Variants in ROBO2 observed in about 807,000 individuals in gnomAD.
ROBO2 encodes the protein roundabout homolog 2.
In ROBO2, 53 loss-of-function variants were observed where a neutral mutation model predicts 160.8. The ratio of observed to expected loss-of-function variants is 0.33; its 90% CI spans 0.26 to 0.41. The LOEUF (loss-of-function observed/expected upper bound fraction) is 0.41, where lower values mean the gene tolerates loss of function less well. ROBO2 is among the 10% of genes least tolerant of loss of function. ROBO2 has a pLI of 1.00. For synonymous variants in ROBO2, 664 were observed against 611.7 expected, an observed-to-expected ratio of 1.09 and a Z score of -1.26; for missense variants, 1,577 against 1,722.4, an observed-to-expected ratio of 0.92 and a Z score of 1.49.
chr3:76,505,859 A>G (rs1046296136), intron 2 of ROBO2, among the ~76,000 whole-genome samples: 1 of 152,216 alleles, frequency 6.6e-6, no homozygotes, highest in Non-Finnish European at 1.5e-5. Flanking sequence ...TGTCATCCAT[A>G]AAAGAAAGAG....
chr3:76,658,052 G>A (rs899839383), intron 2 of ROBO2, among the ~76,000 whole-genome samples: 7 of 141,386 alleles, frequency 5.0e-5, no homozygotes, highest in Non-Finnish European at 1.1e-4. Flanking sequence ...GGGTGACAGA[G>A]CGAGATCCTG....
At chr3:76,341,407 T>C (rs1287386148) in intron 2 of ROBO2, among the ~76,000 whole-genome samples, 2 of 149,080 alleles carry the variant, frequency 1.3e-5, no homozygotes, top group Non-Finnish European at 3.0e-5. Flanking sequence ...TGCTTTTCGC[T>C]TTTTTAAAGC....
Position 77,272,945 on chromosome 3 carries a change from A to C in ROBO2, c.388+174605A>C, listed in dbSNP as rs1413650204. ...GTTCAAACATTAGGTTTTCCTGATA[A>C]TCCACTTTTTAGATAATCTCAGTTT... On this transcript the variant is annotated intron_variant, in intron 2 of 25. Coordinates refer to ENST00000461745, the Ensembl canonical transcript of ROBO2. 1.1e-4 allele frequency among the ~76,000 whole-genome samples: 16 copies of C among 152,252 alleles called. No individual in the cohort carries two copies. In the East Asian group the frequency reaches 2.1e-3, roughly 20 times the overall value.
intron 2 of ROBO2, among the ~76,000 whole-genome samples, chr3:75,949,618 T>C (rs1229914699): frequency 1.3e-5 from 2 of 152,018 alleles, no homozygotes; most frequent in Non-Finnish European, 2.9e-5. Flanking sequence ...AAACTAACAT[T>C]AGTATTGGTG....
intron 2 of ROBO2, among the ~76,000 whole-genome samples, chr3:77,391,546 A>G (rs929327155): frequency 6.6e-6 from 1 of 151,896 alleles, no homozygotes; most frequent in Admixed American, 6.6e-5. Flanking sequence ...TTATAAAACC[A>G]TCAGACATGG....
At chr3:76,706,155 T>C (rs1311545315) in intron 2 of ROBO2, among the ~76,000 whole-genome samples, 1 of 152,076 alleles carries the variant, frequency 6.6e-6, no homozygotes, top group African/African-American at 2.4e-5. Flanking sequence ...AGCACCTCAA[T>C]AGAATAGAAA....
chr3:76,556,655 T>C (rs1371356495), intron 2 of ROBO2, among the ~76,000 whole-genome samples: 1 of 152,176 alleles, frequency 6.6e-6, no homozygotes, highest in Non-Finnish European at 1.5e-5. Flanking sequence ...GTGACAAAAA[T>C]ATGTGTTTAT....
intron 2 of ROBO2, among the ~76,000 whole-genome samples, chr3:76,030,470 G>C (rs1001131072): frequency 1.3e-5 from 2 of 152,104 alleles, no homozygotes; most frequent in African/African-American, 4.8e-5. Flanking sequence ...GTATTGCCCA[G>C]GTTTTCTTCT....
In ROBO2 at chr3:76,892,372, C is replaced by T. The variant is rs1386966929; in HGVS notation, c.110-205642C>T. Among the ~76,000 whole-genome samples, 4 of 152,296 alleles carry T rather than the reference C, an allele frequency of 2.6e-5. No homozygotes were observed. The South Asian group carries it at 6.2e-4, about 24-fold the overall frequency. On this transcript the variant is annotated intron_variant, in intron 2 of 26. Transcript: ENST00000487694. ...TGGACTCTTTGACACCAATTTCGAC[C>T]TGTCATCTACTTAGCCCATAGCCAT... is the stretch of plus-strand genomic sequence containing the variant.
intron 19 of ROBO2, among the ~76,000 whole-genome samples, chr3:77,600,190 G>A (rs1031080303): frequency 6.6e-6 from 1 of 152,156 alleles, no homozygotes; most frequent in Non-Finnish European, 1.5e-5. Context: ...CCTGTTGGGA[G>A]GAAGGCTAGC....
At chr3:76,218,320 A>G (rs1703707091) in intron 2 of ROBO2, among the ~76,000 whole-genome samples, 1 of 152,210 alleles carries the variant, frequency 6.6e-6, no homozygotes. Context: ...CAGGTCAGTC[A>G]GGCAGGAGAA....
At chr3:76,446,214 G>A (rs376094605) in intron 2 of ROBO2, among the ~76,000 whole-genome samples, 1 of 152,090 alleles carries the variant, frequency 6.6e-6, no homozygotes, top group Non-Finnish European at 1.5e-5. Context: ...AAATCAATGT[G>A]CAAAAATCAC....
At chr3:76,716,544 G>A (rs993428846) in intron 2 of ROBO2, among the ~76,000 whole-genome samples, 3 of 152,000 alleles carry the variant, frequency 2.0e-5, no homozygotes, top group African/African-American at 7.3e-5. Context: ...AATCTAGATT[G>A]TTATATATAT....
chr3:76,743,283 G>C (rs2093831871), intron 2 of ROBO2, among the ~76,000 whole-genome samples: 1 of 152,006 alleles, frequency 6.6e-6, no homozygotes, highest in Non-Finnish European at 1.5e-5. Context: ...GGAACATAAA[G>C]ACTCCCTAAG....
At chr3:77,065,972 T>C (rs767232540) in intron 1 of ROBO2, among the ~76,000 whole-genome samples, 3 of 152,088 alleles carry the variant, frequency 2.0e-5, no homozygotes, top group Non-Finnish European at 2.9e-5. Context: ...TTTGCTGGCA[T>C]CGAAGCCGAA....
At chr3:76,536,125 G>C (rs1342540022) in intron 2 of ROBO2, among the ~76,000 whole-genome samples, 1 of 152,204 alleles carries the variant, frequency 6.6e-6, no homozygotes, top group African/African-American at 2.4e-5. Context: ...GGTCCTGGGA[G>C]AGGAGGTCCT....
intron 2 of ROBO2, among the ~76,000 whole-genome samples, chr3:76,907,631 T>C (rs1367034941): frequency 6.6e-6 from 1 of 152,142 alleles, no homozygotes; most frequent in Non-Finnish European, 1.5e-5. Flanking sequence ...CATTTAACAA[T>C]TTGATAATAT....
At chr3:76,134,565 C>T (rs2071355248) in intron 2 of ROBO2, among the ~76,000 whole-genome samples, 1 of 151,994 alleles carries the variant, frequency 6.6e-6, no homozygotes, top group Admixed American at 6.6e-5. Flanking sequence ...TCTCTCCTGC[C>T]TAATAAAAAA....
intron 2 of ROBO2, among the ~76,000 whole-genome samples, chr3:77,376,080 G>A (rs189509211): frequency 6.6e-6 from 1 of 151,736 alleles, no homozygotes; most frequent in East Asian, 1.9e-4. Context: ...GCTACTGGTA[G>A]CAGATCCCAT....
Sources: gnomAD v4.1 joint callset for allele counts (sites outside exome capture counted in the v4.1 genomes callset) on GRCh38, gnomAD v4.1.1 for gene constraint, MANE v1.5 for transcripts, NCBI Gene and HGNC (gene_info 2026-07-23, HGNC 2026-07-21) for gene names.